SLC14A1: variants seen among roughly 807,000 people sequenced by gnomAD.
The protein encoded by SLC14A1 is urea transporter 1.
Under a neutral mutation model 39.6 loss-of-function variants are expected in SLC14A1, and 36 were observed. The ratio of observed to expected loss-of-function variants is 0.91; its 90% CI spans 0.70 to 1.20. The LOEUF is 1.20. Ranked by LOEUF, SLC14A1 falls within the 50% of genes most tolerant of loss-of-function variation. The pLI is 0.00. For synonymous variants in SLC14A1, 164 were observed against 173.6 expected (o/e 0.94, Z 0.43); for missense variants, 469 against 478.7 (o/e 0.98, Z 0.19).
intron 9 of SLC14A1, 118 bp from the exon 10 acceptor site, chr18:45,749,660 A>G: frequency 8.7e-7 from 1 of 1,153,958 alleles, no homozygotes; most frequent in Non-Finnish European, 1.3e-6. Context: ...CAGAATCCAG[A>G]GCAATGCCCC....
In SLC14A1 at chr18:45,734,323, G is replaced by A. The variant is rs749543373; in HGVS notation, c.391G>A (p.Val131Ile). The A allele has an allele frequency of 7.4e-6, 12 of 1,613,884 alleles. No individual in the cohort carries two copies. The highest frequency in any genetic ancestry group is 3.3e-5 in the Admixed American group (2 of 59,996). ...LYGYNATLVG[V>I]LMAVFSDKGD... ...TGGCTACAATGCCACCCTGGTGGGA[G>A]TACTCATGGCTGTCTTTTCGGACAA... The change falls in exon 5 of 10, where the codon GTA becomes ATA. Residue 131 changes from valine (V) to isoleucine (I), a missense_variant. Val to Ile is a conservative substitution (Grantham distance 29). Transcript: ENST00000321925.
chr18:45,746,378 T>G (rs998422204), intron 8 of SLC14A1, among the ~76,000 whole-genome samples: 5 of 152,208 alleles, frequency 3.3e-5, no homozygotes, highest in African/African-American at 7.2e-5. Flanking sequence ...TTAATTGACA[T>G]ACCTACCATT....
At chr18:45,739,454 T>C in intron 7 of SLC14A1, 74 bp from the exon 8 acceptor site, 2 of 1,610,210 alleles carry the variant, frequency 1.2e-6, no homozygotes, top group Admixed American at 3.3e-5. Context: ...CTGCTAACTT[T>C]CAATCCCACC....
chr18:45,743,868 G>GACTA (rs905407843), intron 8 of SLC14A1, among the ~76,000 whole-genome samples: 6 of 152,244 alleles, frequency 3.9e-5, no homozygotes, highest in African/African-American at 1.4e-4. Flanking sequence ...CACCCCTGAT[G>GACTA]ACTACTAAAA....
At chr18:45,740,620 C>T (rs2047345731) in intron 8 of SLC14A1, among the ~76,000 whole-genome samples, 2 of 152,092 alleles carry the variant, frequency 1.3e-5, no homozygotes, top group Non-Finnish European at 2.9e-5. Context: ...ACTGCAGCCT[C>T]AACCTCCTGG....
Position 45,752,166 on chromosome 18 carries a change from C to G in SLC14A1, c.*2215C>G, listed in dbSNP as rs2047727560. 1 of 985,222 alleles carries G rather than the reference C, an allele frequency of 1.0e-6. No homozygotes were observed. Among genetic ancestry groups the G allele is most frequent in the Admixed American group, 6.2e-5 (1 of 16,260 alleles). 61.0% of individuals were successfully genotyped at this position (985,222 alleles called of 1,614,324 possible). On this transcript the variant is annotated 3_prime_UTR_variant, in exon 10 of 10. Transcript: ENST00000321925. ...CAATTTTCAGTGTTTGAACTGAACC[C>G]TTTCTTGTTAGGGAACGTGTGAAAG...
At chr18:45,741,647 T>C (rs1378772654) in intron 8 of SLC14A1, among the ~76,000 whole-genome samples, 1 of 152,248 alleles carries the variant, frequency 6.6e-6, no homozygotes, top group Non-Finnish European at 1.5e-5. Flanking sequence ...CTCAGCTATT[T>C]CACCTAGCTG....
chr18:45,730,509 T>C (rs755356576), intron 3 of SLC14A1, 38 bp downstream of exon 3: 4 of 1,609,070 alleles, frequency 2.5e-6, no homozygotes, highest in East Asian at 2.2e-5. Flanking sequence ...ACAGGAGAAG[T>C]AGCTTTGGGG....
In SLC14A1 at chr18:45,750,213, T is replaced by C; in HGVS notation, c.*262T>C. On this transcript the variant is annotated 3_prime_UTR_variant, in exon 10 of 10. Transcript: ENST00000321925. ...GCCTTGGCACTAAGACTGGAATGTA[T>C]ATAAAGTCAAAGTGCTCCAACAGAA... 7.2e-7 allele frequency: 1 copy of C among 1,388,150 alleles called. No homozygotes were observed. Among genetic ancestry groups the C allele is most frequent in the Non-Finnish European group, 9.3e-7 (1 of 1,071,930 alleles). 86.0% of individuals were successfully genotyped at this position (1,388,150 alleles called of 1,614,324 possible).
intron 8 of SLC14A1, among the ~76,000 whole-genome samples, chr18:45,742,440 A>G (rs1178486141): frequency 2.1e-5 from 3 of 144,722 alleles, no homozygotes; most frequent in Admixed American, 1.4e-4. Flanking sequence ...GCTCACTGCA[A>G]CCTCCGACTC....
At chr18:45,734,054 A>G (rs2144771419) in intron 4 of SLC14A1, 2 of 519,198 alleles carry the variant, frequency 3.9e-6, no homozygotes, top group South Asian at 4.0e-5. Context: ...AAGGCTGGGG[A>G]CCACTGATCT....
chr18:45,732,875 T>G (rs1386096510), intron 4 of SLC14A1, among the ~76,000 whole-genome samples: 1 of 152,210 alleles, frequency 6.6e-6, no homozygotes, highest in Non-Finnish European at 1.5e-5. Flanking sequence ...TGGTGGATTA[T>G]ATAAAGAATA....
At position 45,749,802 on chromosome 18, in the gene SLC14A1, C is replaced by G. The variant is rs1369878410; in HGVS notation, c.1021C>G (p.Pro341Ala). The part of the protein sequence containing the change: ...AEVGLPACTW[P>A]FCLATLLFLI... Reference sequence around the variant, plus strand: ...GGTTGGATTGCCAGCTTGTACCTGGCCCTTCTGTTTGGCCACGCTATTGTT... The same window carrying G: ...GGTTGGATTGCCAGCTTGTACCTGGGCCTTCTGTTTGGCCACGCTATTGTT... Residue 341 changes from proline (P) to alanine (A), a missense_variant, in exon 10 of 10, where the codon CCC (proline) becomes GCC (alanine). Coordinates refer to ENST00000321925, the MANE Select transcript of SLC14A1 (RefSeq NM_015865.7). 2 of 1,614,042 alleles carry G rather than the reference C, an allele frequency of 1.2e-6. No individual in the cohort carries two copies. The highest frequency in any genetic ancestry group is 1.7e-6 in the Non-Finnish European group (2 of 1,180,034).
At position 45,732,491 on chromosome 18, in the gene SLC14A1, G is replaced by C. The variant is rs535972732; in HGVS notation, c.341+1287G>C. Among the ~76,000 whole-genome samples the C allele has an allele frequency of 5.3e-5, 8 of 152,276 alleles. No homozygotes were observed. The South Asian group carries it at 1.7e-3, about 32-fold the overall frequency. ...CCATTTGCCCTCAAGGATTATTTAA[G>C]GGAAACAAAGAACTTTTGAATAGGG... On this transcript the variant is annotated intron_variant, in intron 4 of 9. Coordinates refer to ENST00000321925, the MANE Select transcript of SLC14A1 (RefSeq NM_015865.7).
At chr18:45,740,657 TC>T (rs2047347344) in intron 8 of SLC14A1, among the ~76,000 whole-genome samples, 1 of 152,020 alleles carries the variant, frequency 6.6e-6, no homozygotes, top group African/African-American at 2.4e-5. Flanking sequence ...AGCCTCAGCC[TC>T]CCAAGTAAAG....
At chr18:45,731,253 GCTGACCAGTTA>G in intron 4 of SLC14A1, 49 bp downstream of exon 4, 1 of 1,553,982 alleles carries the variant, frequency 6.4e-7, no homozygotes, top group Non-Finnish European at 8.9e-7. Context: ...AGACACAGGG[GCTGACCAGTTA>G]CTGTGGGCAA....
At position 45,730,407 on chromosome 18, in the gene SLC14A1, G is replaced by A. The variant is rs529949439; in HGVS notation, c.87G>A (p.Arg29=). 6.2e-7 allele frequency: 1 copy of A among 1,614,180 alleles called. No homozygotes were observed. The highest frequency in any genetic ancestry group is 1.3e-5 in the African/African-American group (1 of 75,044). ...ENQVSPCQGR[R]CFPKALGYVT... Reference sequence around the variant, plus strand: ...AGGTTTCGCCATGTCAAGGGAGAAGGTGCTTCCCCAAAGCTCTTGGCTATG... The same window carrying A: ...AGGTTTCGCCATGTCAAGGGAGAAGATGCTTCCCCAAAGCTCTTGGCTATG... The change falls in exon 3 of 10, where the codon AGG becomes AGA. Residue 29 remains arginine (R), a synonymous_variant. Coordinates refer to ENST00000321925, the MANE Select transcript of SLC14A1 (RefSeq NM_015865.7).
rs144744116 is a variant in SLC14A1 at position 45,733,933 on chromosome 18, A to C, written c.342-341A>C. Reference sequence around the variant, plus strand: ...GAGGGATCTAGGTTGCTTGCTCCTTATGAGAATCTAATGCCTGATAATCTG... The same window carrying C: ...GAGGGATCTAGGTTGCTTGCTCCTTCTGAGAATCTAATGCCTGATAATCTG... On this transcript the variant is annotated intron_variant, in intron 4 of 9. Coordinates refer to ENST00000321925, the MANE Select transcript of SLC14A1 (RefSeq NM_015865.7). 3.3e-5 allele frequency among the ~76,000 whole-genome samples: 5 copies of C among 152,272 alleles called. No homozygotes were observed. In the East Asian group the frequency reaches 9.7e-4, roughly 29 times the overall value.
At chr18:45,730,091 A>G (rs972397145) in intron 2 of SLC14A1, 30 of 489,412 alleles carry the variant, frequency 6.1e-5, no homozygotes, top group Non-Finnish European at 1.0e-4. Flanking sequence ...GAACATTCTC[A>G]TGGTAGCATT....
Sources: gnomAD v4.1 joint callset for allele counts (sites outside exome capture counted in the v4.1 genomes callset) on GRCh38, gnomAD v4.1.1 for gene constraint, MANE v1.5 for transcripts, NCBI Gene and HGNC (gene_info 2026-07-23, HGNC 2026-07-21) for gene names.